CUL2: variants seen among roughly 807,000 people sequenced by gnomAD.
CUL2 encodes cullin-2.
In CUL2, 22 loss-of-function variants were observed where a neutral mutation model predicts 110.2. That is an observed-to-expected ratio of 0.20 (90% CI 0.14 to 0.28). The LOEUF is 0.28. CUL2 is among the 10% of genes least tolerant of loss of function. CUL2 has a pLI of 1.00. For synonymous variants in CUL2, 279 were observed against 293.2 expected (o/e 0.95, Z 0.49); for missense variants, 631 against 905.5 (o/e 0.70, Z 3.89).
chr10:35,116,074 G>T (rs376314865), intron 1 of CUL2, among the ~76,000 whole-genome samples: 1 of 152,098 alleles, frequency 6.6e-6, no homozygotes, highest in African/African-American at 2.4e-5. Context: ...CGGGCACAGC[G>T]GTTCACACCT....
At chr10:35,019,351 A>C (rs1188784545) in intron 17 of CUL2, among the ~76,000 whole-genome samples, 2 of 152,074 alleles carry the variant, frequency 1.3e-5, no homozygotes, top group Non-Finnish European at 1.5e-5. Flanking sequence ...TATTGAGTTC[A>C]TTCTTTCATT....
chr10:35,052,071 TA>T (rs2086126119), intron 5 of CUL2, among the ~76,000 whole-genome samples: 1 of 152,200 alleles, frequency 6.6e-6, no homozygotes. Context: ...ACATAGAGTA[TA>T]AATTATTCCA....
At chr10:35,021,832 G>A (rs1347755298) in intron 17 of CUL2, among the ~76,000 whole-genome samples, 1 of 81,274 alleles carries the variant, frequency 1.2e-5, no homozygotes, top group African/African-American at 4.3e-5. Context: ...GAGGTGAGGC[G>A]AGGTGAGGTG....
intron 15 of CUL2, among the ~76,000 whole-genome samples, 162 bp from the exon 16 acceptor site, chr10:35,029,049 T>C (rs989766951): frequency 1.3e-5 from 2 of 148,606 alleles, no homozygotes; most frequent in African/African-American, 4.9e-5. Context: ...TCCAAACCAA[T>C]AGGACCTTTT....
intron 2 of CUL2, among the ~76,000 whole-genome samples, chr10:35,064,973 C>T (rs1164335292): frequency 6.6e-6 from 1 of 152,218 alleles, no homozygotes; most frequent in Non-Finnish European, 1.5e-5. Flanking sequence ...TACAGTACTT[C>T]TGCACTGTTG....
At chr10:35,087,873 G>GT (rs1424660899) in intron 1 of CUL2, among the ~76,000 whole-genome samples, 2 of 40,580 alleles carry the variant, frequency 4.9e-5, no homozygotes, top group Non-Finnish European at 1.1e-4. Context: ...GCCTTTTAAT[G>GT]TATCTAAGAA....
At chr10:35,086,236 C>A (rs1208052310) in intron 1 of CUL2, among the ~76,000 whole-genome samples, 2 of 151,732 alleles carry the variant, frequency 1.3e-5, no homozygotes, top group African/African-American at 2.4e-5. Context: ...GTGGATCACG[C>A]CTGTAATCCT....
At chr10:35,070,068 G>A (rs777684354) in intron 2 of CUL2, among the ~76,000 whole-genome samples, 15 of 152,084 alleles carry the variant, frequency 9.9e-5, no homozygotes, top group East Asian at 1.9e-4. Flanking sequence ...ATTACTACCC[G>A]TATGACCCTG....
Position 35,060,866 on chromosome 10 carries a change from A to G in CUL2, c.317+8T>C. 2 of 1,602,688 alleles carry G rather than the reference A, an allele frequency of 1.2e-6. No individual in the cohort carries two copies. Among genetic ancestry groups the G allele is most frequent in the Non-Finnish European group, 1.7e-6 (2 of 1,175,446 alleles). On this transcript the variant is annotated splice_region_variant and intron_variant, in intron 4 of 20. Transcript: ENST00000374749. The stretch of plus-strand genomic sequence containing the variant: ...CTTAGCTTGTCTAGATTTTAAAGGC[A>G]CACTCACCTATATAAGCAGTCCATA...
intron 1 of CUL2, 42 bp from the exon 2 acceptor site, chr10:35,071,381 T>TA (rs2086673548): frequency 6.5e-7 from 1 of 1,549,582 alleles, no homozygotes; most frequent in Non-Finnish European, 8.9e-7. Context: ...AATAATTCCA[T>TA]GAGCTTAGTT....
intron 1 of CUL2, among the ~76,000 whole-genome samples, chr10:35,083,877 T>G (rs2086997770): frequency 6.6e-6 from 1 of 152,098 alleles, no homozygotes; most frequent in African/African-American, 2.4e-5. Context: ...TTTTAAAAAT[T>G]TACATATGGC....
intron 1 of CUL2, among the ~76,000 whole-genome samples, chr10:35,079,180 A>G (rs569244500): frequency 6.6e-6 from 1 of 152,266 alleles, no homozygotes; most frequent in African/African-American, 2.4e-5. Flanking sequence ...AGATATAACA[A>G]TTATAACAAT....
At chr10:35,088,830 T>C (rs2087127903) in intron 1 of CUL2, among the ~76,000 whole-genome samples, 1 of 152,122 alleles carries the variant, frequency 6.6e-6, no homozygotes, top group Admixed American at 6.5e-5. Context: ...GCATGCACAT[T>C]GTAGAAATGT....
intron 1 of CUL2, among the ~76,000 whole-genome samples, chr10:35,108,315 G>T (rs996136344): frequency 1.3e-5 from 2 of 151,614 alleles, no homozygotes; most frequent in Non-Finnish European, 2.9e-5. Context: ...AAATTAGTGG[G>T]GTGTTGTGGT....
At chr10:35,014,615 T>C (rs776136920) in intron 18 of CUL2, among the ~76,000 whole-genome samples, 7 of 151,978 alleles carry the variant, frequency 4.6e-5, no homozygotes, top group Non-Finnish European at 1.0e-4. Flanking sequence ...GGCAGATTAC[T>C]TGAGCTCAGG....
At chr10:35,028,963 T>C (rs1271957490) in intron 15 of CUL2, 76 bp from the exon 16 acceptor site, 3 of 870,538 alleles carry the variant, frequency 3.4e-6, no homozygotes, top group Non-Finnish European at 3.5e-6. Context: ...TATTAAATAA[T>C]CTAAGCATCT....
chr10:35,121,142 CA>C (rs2087673019), intron 1 of CUL2, among the ~76,000 whole-genome samples: 1 of 152,180 alleles, frequency 6.6e-6, no homozygotes, highest in Non-Finnish European at 1.5e-5. Context: ...TTCTAGCAGG[CA>C]ATTCAGGAGC....
intron 9 of CUL2, 137 bp downstream of exon 9, chr10:35,038,783 T>C (rs1388746090): frequency 1.2e-5 from 6 of 521,378 alleles, no homozygotes; most frequent in East Asian, 3.2e-5. Flanking sequence ...CAAAATAAAG[T>C]ATTAATAATC....
At chr10:35,123,673 C>T (rs1016385722) in intron 1 of CUL2, among the ~76,000 whole-genome samples, 2 of 152,106 alleles carry the variant, frequency 1.3e-5, no homozygotes, top group Non-Finnish European at 2.9e-5. Flanking sequence ...TGAAAAGTGC[C>T]ATTAACATTG....
Sources: gnomAD v4.1 joint callset for allele counts (sites outside exome capture counted in the v4.1 genomes callset) on GRCh38, gnomAD v4.1.1 for gene constraint, MANE v1.5 for transcripts, NCBI Gene and HGNC (gene_info 2026-07-23, HGNC 2026-07-21) for gene names.